GALNT13: variants seen among roughly 807,000 people sequenced by gnomAD.
GALNT13 encodes the protein polypeptide N-acetylgalactosaminyltransferase 13, also known as UDP-GalNAc:polypeptide N-acetylgalactosaminyltransferase 13.
GALNT13 carries 28 observed loss-of-function variants against 64.2 expected under a neutral mutation model. That is an observed-to-expected ratio of 0.44 (90% CI 0.32 to 0.60). The LOEUF (loss-of-function observed/expected upper bound fraction) is 0.60, where lower values mean the gene tolerates loss of function less well. GALNT13 is among the 20% of genes least tolerant of loss of function. GALNT13 has a pLI of 0.05. For synonymous variants in GALNT13, 214 were observed against 224.6 expected (o/e 0.95, Z 0.42); for missense variants, 577 against 669.8 (o/e 0.86, Z 1.53).
intron 4 of GALNT13, among the ~76,000 whole-genome samples, chr2:154,216,216 T>C (rs1464677963): frequency 1.3e-5 from 2 of 152,042 alleles, no homozygotes; most frequent in Non-Finnish European, 2.9e-5. Flanking sequence ...CCAGGAAGAT[T>C]TGACATTTAA....
At chr2:153,075,154 T>C in the GALNT13 span, among the ~76,000 whole-genome samples, 1 of 152,188 alleles carries the variant, frequency 6.6e-6, no homozygotes, top group African/African-American at 2.4e-5. Context: ...CAGACTAATA[T>C]TGAACATTTT....
intron 3 of GALNT13, among the ~76,000 whole-genome samples, chr2:154,070,429 G>A (rs1020792681): frequency 3.3e-5 from 5 of 151,988 alleles, no homozygotes; most frequent in Non-Finnish European, 1.5e-5. Context: ...ATCTAAATTA[G>A]CGTAAAAAGC....
chr2:153,489,927 T>G, the GALNT13 span, among the ~76,000 whole-genome samples: 2 of 151,394 alleles, frequency 1.3e-5, no homozygotes, highest in African/African-American at 2.4e-5. Flanking sequence ...GAAGCTACAG[T>G]GAGATATAAT....
At chr2:153,233,966 A>G in the GALNT13 span, among the ~76,000 whole-genome samples, 1 of 152,170 alleles carries the variant, frequency 6.6e-6, no homozygotes, top group Non-Finnish European at 1.5e-5. Context: ...GGTTCTACAG[A>G]TGTTTAAGAA....
At chr2:153,158,539 A>T in the GALNT13 span, among the ~76,000 whole-genome samples, 1 of 152,096 alleles carries the variant, frequency 6.6e-6, no homozygotes, top group East Asian at 1.9e-4. Flanking sequence ...ATAACATCTT[A>T]CGAGAGGATT....
chr2:153,434,174 G>T, the GALNT13 span, among the ~76,000 whole-genome samples: 2 of 152,186 alleles, frequency 1.3e-5, no homozygotes, highest in Admixed American at 1.3e-4. Context: ...ATTTTTTATG[G>T]CTGCATAGTA....
At chr2:153,761,251 C>T in the GALNT13 span, among the ~76,000 whole-genome samples, 47 of 152,240 alleles carry the variant, frequency 3.1e-4, no homozygotes, top group African/African-American at 1.1e-3. Context: ...TAAGAACCTA[C>T]TACTACCATT....
chr2:153,948,812 C>T (rs2105396454), intron 3 of GALNT13, among the ~76,000 whole-genome samples: 1 of 152,102 alleles, frequency 6.6e-6, no homozygotes, highest in Middle Eastern at 3.4e-3. Context: ...AGTGAGGACA[C>T]ATGGACACGT....
chr2:153,574,592 G>A, the GALNT13 span, among the ~76,000 whole-genome samples: 1 of 152,022 alleles, frequency 6.6e-6, no homozygotes, highest in Non-Finnish European at 1.5e-5. Flanking sequence ...CTGTCTTCAA[G>A]CTCAGTAGTT....
At chr2:153,814,123 C>T in the GALNT13 span, among the ~76,000 whole-genome samples, 818 of 152,290 alleles carry the variant, frequency 5.4e-3, 7 homozygotes, top group African/African-American at 0.017. Context: ...ACCGCATCAC[C>T]GATCACTTCT....
At chr2:153,186,543 G>A in the GALNT13 span, among the ~76,000 whole-genome samples, 419 of 151,860 alleles carry the variant, frequency 2.8e-3, 2 homozygotes, top group African/African-American at 9.8e-3. Context: ...GATTGCTTCA[G>A]TGTCACTGGT....
At chr2:153,140,264 T>C in the GALNT13 span, among the ~76,000 whole-genome samples, 1 of 152,148 alleles carries the variant, frequency 6.6e-6, no homozygotes, top group Admixed American at 6.6e-5. Flanking sequence ...TCATTTCCCA[T>C]TCCCACGAGA....
chr2:154,209,124 A>G (rs963758256), intron 4 of GALNT13, among the ~76,000 whole-genome samples: 11 of 152,118 alleles, frequency 7.2e-5, no homozygotes, highest in Admixed American at 4.6e-4. Flanking sequence ...TTAAAAAAAA[A>G]GGTGTTTGTT....
chr2:154,280,099 A>G (rs1304274312), intron 8 of GALNT13, among the ~76,000 whole-genome samples: 4 of 152,078 alleles, frequency 2.6e-5, no homozygotes, highest in African/African-American at 9.7e-5. Context: ...AAACAAAATG[A>G]CTCTAGCTGA....
chr2:153,644,001 T>C, the GALNT13 span, among the ~76,000 whole-genome samples: 1 of 151,970 alleles, frequency 6.6e-6, no homozygotes, highest in East Asian at 1.9e-4. Flanking sequence ...TCAGGAAGAA[T>C]GCAAGACTAT....
chr2:153,769,387 C>T, the GALNT13 span, among the ~76,000 whole-genome samples: 3 of 152,122 alleles, frequency 2.0e-5, no homozygotes, highest in East Asian at 1.9e-4. Context: ...CCCCCTCCCC[C>T]ACCCCAATGC....
At chr2:153,457,253 T>A in the GALNT13 span, among the ~76,000 whole-genome samples, 9 of 152,204 alleles carry the variant, frequency 5.9e-5, no homozygotes, top group Admixed American at 3.3e-4. Context: ...ACAACTTTCA[T>A]AAAGTAGGTA....
At chr2:153,087,513 TG>T in the GALNT13 span, among the ~76,000 whole-genome samples, 1 of 152,140 alleles carries the variant, frequency 6.6e-6, no homozygotes, top group Admixed American at 6.6e-5. Flanking sequence ...AGGGACAATT[TG>T]TTCTCTGTCT....
the GALNT13 span, among the ~76,000 whole-genome samples, chr2:153,295,127 T>A: frequency 6.6e-6 from 1 of 152,220 alleles, no homozygotes; most frequent in East Asian, 1.9e-4. Flanking sequence ...ATTACTGTGA[T>A]CCTCTCTGAA....
Sources: allele counts gnomAD v4.1 joint callset (sites outside exome capture counted in the v4.1 genomes callset), GRCh38; gene constraint gnomAD v4.1.1; transcripts MANE v1.5; gene names NCBI Gene and HGNC (gene_info 2026-07-23, HGNC 2026-07-21).